AP3B1: variants seen among roughly 807,000 people sequenced by gnomAD.
AP3B1 encodes adaptor related protein complex 3 subunit beta 1.
AP3B1 carries 61 observed loss-of-function variants against 132.5 expected under a neutral mutation model. The ratio of observed to expected loss-of-function variants is 0.46; its 90% CI spans 0.37 to 0.57. The LOEUF (loss-of-function observed/expected upper bound fraction) is 0.57. AP3B1 is among the 20% of genes least tolerant of loss of function. The pLI is 0.00. For synonymous variants in AP3B1, 388 were observed against 438.3 expected, an observed-to-expected ratio of 0.89 and a Z score of 1.43; for missense variants, 1,120 against 1,289.4, an observed-to-expected ratio of 0.87 and a Z score of 2.01.
At chr5:78,071,285 A>C (rs1050172772) in intron 22 of AP3B1, among the ~76,000 whole-genome samples, 3 of 152,234 alleles carry the variant, frequency 2.0e-5, no homozygotes, top group Admixed American at 1.3e-4. Flanking sequence ...GGAAGTTATT[A>C]TCCTCAGCAA....
At position 78,006,522 on chromosome 5, in the gene AP3B1, C is replaced by T. The variant is rs79967352; in HGVS notation, c.3132-3467G>A. 1.6e-3 allele frequency among the ~76,000 whole-genome samples: 248 copies of T among 152,220 alleles called. 1 individual carries two copies. In the East Asian group the frequency reaches 0.024, roughly 15 times the overall value. On this transcript the variant is annotated intron_variant, in intron 26 of 26. Transcript: ENST00000255194. ...CATTTCTGCCTTTAAAGATTTAAAACATTTTAAATATCCCCTACTCTCCTC... is the reference window on the plus strand; with the variant it reads ...CATTTCTGCCTTTAAAGATTTAAAATATTTTAAATATCCCCTACTCTCCTC...
intron 2 of AP3B1, among the ~76,000 whole-genome samples, chr5:78,247,381 T>C (rs1293110717): frequency 1.3e-5 from 2 of 150,922 alleles, no homozygotes; most frequent in East Asian, 3.8e-4. Context: ...GTCATATAAG[T>C]TGATATTATT....
At chr5:78,273,698 A>T (rs1425927739) in intron 1 of AP3B1, among the ~76,000 whole-genome samples, 1 of 152,158 alleles carries the variant, frequency 6.6e-6, no homozygotes, top group Non-Finnish European at 1.5e-5. Context: ...TCCTCAGAAG[A>T]GAGGCTTTGG....
chr5:78,211,309 AG>A (rs1745727148), intron 7 of AP3B1, among the ~76,000 whole-genome samples: 1 of 152,222 alleles, frequency 6.6e-6, no homozygotes, highest in Admixed American at 6.5e-5. Flanking sequence ...GATGTCAGTT[AG>A]AAAAATTATG....
At chr5:78,144,607 C>T (rs1753305125) in intron 14 of AP3B1, among the ~76,000 whole-genome samples, 1 of 152,186 alleles carries the variant, frequency 6.6e-6, no homozygotes, top group Non-Finnish European at 1.5e-5. Flanking sequence ...GCATTAAAGC[C>T]TAAGCCTGAA....
intron 21 of AP3B1, among the ~76,000 whole-genome samples, chr5:78,098,992 A>G (rs1751017061): frequency 6.6e-6 from 1 of 152,200 alleles, no homozygotes; most frequent in Non-Finnish European, 1.5e-5. Flanking sequence ...TTGAAACCTA[A>G]TCCAGACTAT....
intron 7 of AP3B1, among the ~76,000 whole-genome samples, chr5:78,204,072 TC>T (rs1745406895): frequency 6.6e-6 from 1 of 152,178 alleles, no homozygotes; most frequent in South Asian, 2.1e-4. Context: ...TGTCTGGACT[TC>T]CTTGAGTACA....
intron 2 of AP3B1, among the ~76,000 whole-genome samples, chr5:78,265,112 G>C (rs988127667): frequency 3.3e-5 from 5 of 152,012 alleles, no homozygotes; most frequent in Non-Finnish European, 5.9e-5. Context: ...TCAATATTTA[G>C]TATACTATAA....
intron 6 of AP3B1, among the ~76,000 whole-genome samples, chr5:78,219,396 G>A (rs762730334): frequency 6.6e-6 from 1 of 151,962 alleles, no homozygotes; most frequent in Non-Finnish European, 1.5e-5. Flanking sequence ...AAATTCATAC[G>A]TGAACATTAG....
intron 21 of AP3B1, among the ~76,000 whole-genome samples, chr5:78,097,488 C>T (rs1178541894): frequency 9.1e-6 from 1 of 109,454 alleles, no homozygotes; most frequent in Non-Finnish European, 1.9e-5. Flanking sequence ...CCCGGCCAGC[C>T]GCCCCGTCCG....
At chr5:78,055,995 C>G (rs1466523982) in intron 22 of AP3B1, among the ~76,000 whole-genome samples, 1 of 152,148 alleles carries the variant, frequency 6.6e-6, no homozygotes, top group Non-Finnish European at 1.5e-5. Context: ...ATATTTTACA[C>G]TTCTTTACTT....
At chr5:78,218,433 T>G (rs1255497182) in intron 6 of AP3B1, among the ~76,000 whole-genome samples, 1 of 152,164 alleles carries the variant, frequency 6.6e-6, no homozygotes, top group South Asian at 2.1e-4. Context: ...ATTTTTTATA[T>G]TAAAGCAATA....
At chr5:78,226,645 C>G (rs1295354035) in intron 5 of AP3B1, among the ~76,000 whole-genome samples, 1 of 152,066 alleles carries the variant, frequency 6.6e-6, no homozygotes, top group African/African-American at 2.4e-5. Context: ...AGTGCCACAT[C>G]CTCTACTGTT....
intron 26 of AP3B1, among the ~76,000 whole-genome samples, chr5:78,011,039 CTCTT>C (rs1326006250): frequency 6.9e-6 from 1 of 145,288 alleles, no homozygotes; most frequent in Non-Finnish European, 1.5e-5. Flanking sequence ...TTCTGTATCT[CTCTT>C]TTTTTTTTTT....
intron 7 of AP3B1, among the ~76,000 whole-genome samples, chr5:78,187,912 A>C (rs186728942): frequency 1.3e-5 from 2 of 152,124 alleles, no homozygotes; most frequent in African/African-American, 4.8e-5. Context: ...AGAATAAAGA[A>C]CTCAGAAATA....
intron 12 of AP3B1, 129 bp downstream of exon 12, chr5:78,165,479 TTC>T: frequency 1.5e-6 from 1 of 658,918 alleles, no homozygotes. Flanking sequence ...ATTTATGAAT[TTC>T]TTAGTTGTCA....
At chr5:78,104,779 A>G (rs1356144374) in intron 20 of AP3B1, among the ~76,000 whole-genome samples, 2 of 152,274 alleles carry the variant, frequency 1.3e-5, no homozygotes, top group East Asian at 1.9e-4. Context: ...TGACATTCAG[A>G]CACCAGTCAA....
At chr5:78,231,078 C>T (rs1365649405) in intron 3 of AP3B1, among the ~76,000 whole-genome samples, 1 of 151,918 alleles carries the variant, frequency 6.6e-6, no homozygotes, top group Non-Finnish European at 1.5e-5. Flanking sequence ...CAAGATCGCA[C>T]CACTGCACCC....
At position 78,168,060 on chromosome 5, in the gene AP3B1, G is replaced by A. The variant is rs143435916; in HGVS notation, c.1168-2388C>T. On this transcript the variant is annotated intron_variant, in intron 11 of 26. Coordinates refer to ENST00000255194, the MANE Select transcript of AP3B1 (RefSeq NM_003664.5). ...AAATAAAACAGCAAATGATCTAAAC[G>A]CTCCAATTAGAAGGCAAAGACTGTA... Among the ~76,000 whole-genome samples the A allele has an allele frequency of 7.8e-3, 1,173 of 149,616 alleles. 6 individuals carry two copies. The highest frequency in any genetic ancestry group is 0.035 in the Middle Eastern group (10 of 286).
Sources: allele counts gnomAD v4.1 joint callset (sites outside exome capture counted in the v4.1 genomes callset), GRCh38; gene constraint gnomAD v4.1.1; transcripts MANE v1.5; gene names NCBI Gene and HGNC (gene_info 2026-07-23, HGNC 2026-07-21).